NEBL: variants seen among roughly 807,000 people sequenced by gnomAD.
NEBL encodes the protein nebulette, also known as LIM and SH3 protein 2.
In NEBL, 122 loss-of-function variants were observed where a neutral mutation model predicts 140.2. The observed-to-expected ratio is 0.87, with a 90% CI of 0.75 to 1.01. NEBL has a LOEUF of 1.01. Ranked by LOEUF, NEBL falls within the 50% of genes least tolerant of loss-of-function variation. The probability of loss-of-function intolerance (pLI) is 0.00; values close to 1 mark genes in which losing one functional copy is unlikely to be tolerated. For missense variants in NEBL, 1,365 were observed against 1,231.3 expected (o/e 1.11, Z -1.62); for synonymous variants, 436 against 398.9 (o/e 1.09, Z -1.11).
chr10:21,014,236 A>C (rs1014734565), intron 3 of NEBL, among the ~76,000 whole-genome samples: 7 of 151,940 alleles, frequency 4.6e-5, no homozygotes, highest in African/African-American at 1.7e-4. Flanking sequence ...TGATCCTTGC[A>C]CCTCAGCCTT....
rs761052528 is a variant in NEBL, at chr10:20,809,883, C to G, written c.2534G>C (p.Arg845Pro). 15 of 1,610,602 alleles carry G rather than the reference C, an allele frequency of 9.3e-6. No homozygotes were observed. In the South Asian group the frequency reaches 1.6e-4, roughly 18 times the overall value. Residue 845 changes from arginine (R) to proline (P), a missense_variant, in exon 25 of 28, where the codon CGC (arginine) becomes CCC (proline). Transcript: ENST00000377122. ...PGIIVDLKVW[R>P]TDPGSIFDLD... ...GTCGAAGATGGAGCCAGGATCTGTG[C>G]GCCAAACTTTGAGGTCTTTTGCCAA...
chr10:21,135,946 C>A (rs1839336417), intron 2 of NEBL, among the ~76,000 whole-genome samples: 1 of 152,222 alleles, frequency 6.6e-6, no homozygotes, highest in Non-Finnish European at 1.5e-5. Flanking sequence ...TGAGGCAGAA[C>A]TTTCTGGAAC....
chr10:20,905,445 G>T (rs576277308), intron 4 of NEBL, among the ~76,000 whole-genome samples: 2 of 152,166 alleles, frequency 1.3e-5, no homozygotes, highest in Admixed American at 1.3e-4. Flanking sequence ...AGGCAAGAGA[G>T]AGCCAGCAAG....
intron 2 of NEBL, among the ~76,000 whole-genome samples, chr10:21,032,656 GATAAC>G (rs1242002961): frequency 6.6e-6 from 1 of 152,056 alleles, no homozygotes; most frequent in East Asian, 1.9e-4. Flanking sequence ...GCTGCTGATA[GATAAC>G]ATAAAAGCAA....
intron 2 of NEBL, among the ~76,000 whole-genome samples, chr10:21,085,861 G>C (rs1158507260): frequency 6.6e-6 from 1 of 152,020 alleles, no homozygotes; most frequent in Non-Finnish European, 1.5e-5. Flanking sequence ...ATCTCACTCG[G>C]CAGGGCAGGC....
intron 2 of NEBL, among the ~76,000 whole-genome samples, chr10:21,144,415 C>A (rs1219939591): frequency 1.3e-5 from 2 of 152,160 alleles, no homozygotes; most frequent in African/African-American, 4.8e-5. Flanking sequence ...CCCAAATAAC[C>A]CCCTCTTGCT....
chr10:21,194,501 C>A (rs1320927204), intron 3 of NEBL, among the ~76,000 whole-genome samples: 5 of 152,194 alleles, frequency 3.3e-5, no homozygotes, highest in Admixed American at 3.3e-4. Flanking sequence ...AACTGATCAC[C>A]TTTAAAGAAT....
intron 2 of NEBL, chr10:21,030,655 G>C: frequency 1.9e-6 from 1 of 517,402 alleles, no homozygotes; most frequent in South Asian, 1.7e-5. Context: ...AAATAAAGTA[G>C]GTGTGGTGAA....
chr10:21,259,398 C>A (rs1422705614), intron 1 of NEBL, among the ~76,000 whole-genome samples: 1 of 152,098 alleles, frequency 6.6e-6, no homozygotes, highest in African/African-American at 2.4e-5. Flanking sequence ...GAGGGTGCAG[C>A]TATGAAACTG....
chr10:21,028,462 G>A (rs1833633493), intron 2 of NEBL, among the ~76,000 whole-genome samples: 1 of 152,024 alleles, frequency 6.6e-6, no homozygotes, highest in Non-Finnish European at 1.5e-5. Context: ...ACACACGCAT[G>A]CACAGGCACA....
At chr10:20,937,703 T>C (rs1834574011) in intron 4 of NEBL, among the ~76,000 whole-genome samples, 1 of 151,744 alleles carries the variant, frequency 6.6e-6, no homozygotes, top group Non-Finnish European at 1.5e-5. Flanking sequence ...AAGAAAGGGG[T>C]GACAGATGGC....
chr10:20,940,393 C>G (rs1359337524), intron 4 of NEBL, among the ~76,000 whole-genome samples: 1 of 146,460 alleles, frequency 6.8e-6, no homozygotes, highest in Non-Finnish European at 1.5e-5. Flanking sequence ...CCAACGAGAA[C>G]AAAGATACAA....
intron 4 of NEBL, among the ~76,000 whole-genome samples, chr10:20,944,124 C>T (rs576321884): frequency 2.0e-5 from 3 of 152,276 alleles, no homozygotes; most frequent in South Asian, 2.1e-4. Context: ...ATAGGCCGGG[C>T]GCAGTGGCTC....
At chr10:21,150,677 CTAAT>C (rs1219703587) in intron 2 of NEBL, among the ~76,000 whole-genome samples, 1 of 152,136 alleles carries the variant, frequency 6.6e-6, no homozygotes, top group Non-Finnish European at 1.5e-5. Flanking sequence ...TTACATGTTC[CTAAT>C]TAATCTTTAT....
intron 4 of NEBL, among the ~76,000 whole-genome samples, chr10:20,927,968 G>A (rs1359278669): frequency 6.6e-6 from 1 of 152,144 alleles, no homozygotes; most frequent in Non-Finnish European, 1.5e-5. Context: ...TTGCTAGGAG[G>A]TACTTTTAAA....
At chr10:21,035,925 G>A (rs1243165950) in intron 2 of NEBL, among the ~76,000 whole-genome samples, 2 of 152,160 alleles carry the variant, frequency 1.3e-5, no homozygotes, top group Admixed American at 6.5e-5. Flanking sequence ...CACTTTGGGA[G>A]GCTGAGGTGA....
Position 20,812,962 on chromosome 10 carries a change from T to C in NEBL, c.2347-22A>G, listed in dbSNP as rs1838323544. ...TTACCTGAAAAAGGAAAAATCATCA[T>C]ACTGAATTTTGCGGATAGTTACCTC... On this transcript the variant is annotated intron_variant, in intron 23 of 27. Coordinates refer to ENST00000377122, the MANE Select transcript of NEBL (RefSeq NM_006393.3). 1.9e-6 allele frequency: 3 copies of C among 1,607,074 alleles called. No homozygotes were observed. In the South Asian group the frequency reaches 3.3e-5, roughly 18 times the overall value.
intron 1 of NEBL, among the ~76,000 whole-genome samples, chr10:21,253,973 G>A (rs1220766961): frequency 6.6e-6 from 1 of 152,192 alleles, no homozygotes; most frequent in African/African-American, 2.4e-5. Flanking sequence ...GCTAAAGAAT[G>A]TAAAGTGATT....
At chr10:20,903,606 G>A (rs1014227495) in intron 4 of NEBL, among the ~76,000 whole-genome samples, 5 of 152,142 alleles carry the variant, frequency 3.3e-5, no homozygotes, top group East Asian at 3.9e-4. Flanking sequence ...GCAAGGATAC[G>A]GAACCAGACT....
Sources: allele counts gnomAD v4.1 joint callset (sites outside exome capture counted in the v4.1 genomes callset), GRCh38; gene constraint gnomAD v4.1.1; transcripts MANE v1.5; gene names NCBI Gene and HGNC (gene_info 2026-07-23, HGNC 2026-07-21).